Variants in CLIC4 observed in about 807,000 individuals in gnomAD.
CLIC4 encodes chloride intracellular channel protein 4.
A neutral mutation model predicts 24.6 loss-of-function variants in CLIC4; 13 were observed. That is an observed-to-expected ratio of 0.53 (90% CI 0.34 to 0.84). The LOEUF (loss-of-function observed/expected upper bound fraction) is 0.84, where lower values mean the gene tolerates loss of function less well. Ranked by LOEUF, CLIC4 falls within the 40% of genes least tolerant of loss-of-function variation. CLIC4 has a pLI of 0.01. For missense variants in CLIC4, 227 were observed against 301.7 expected (o/e 0.75, Z 1.83); for synonymous variants, 104 against 111.3 (o/e 0.93, Z 0.41).
intron 1 of CLIC4, among the ~76,000 whole-genome samples, chr1:24,762,830 T>C (rs1238350365): frequency 1.3e-5 from 2 of 152,142 alleles, no homozygotes; most frequent in East Asian, 1.9e-4. Flanking sequence ...AACTTGGCTA[T>C]GTAGAAGACA....
chr1:24,762,145 T>C (rs1638933851), intron 1 of CLIC4, among the ~76,000 whole-genome samples: 2 of 152,186 alleles, frequency 1.3e-5, no homozygotes, highest in African/African-American at 4.8e-5. Context: ...AGGCTGGATG[T>C]GGTAGCTCAC....
At chr1:24,747,504 A>G (rs1638715186) in intron 1 of CLIC4, among the ~76,000 whole-genome samples, 1 of 139,984 alleles carries the variant, frequency 7.1e-6, no homozygotes, top group Admixed American at 7.8e-5. Flanking sequence ...ACTGTACTCC[A>G]GCCTGGGCAA....
chr1:24,799,727 C>T (rs1207651811), intron 2 of CLIC4, among the ~76,000 whole-genome samples: 6 of 137,362 alleles, frequency 4.4e-5, no homozygotes, highest in African/African-American at 8.2e-5. Flanking sequence ...CCCGGCCAGC[C>T]GCCCCGTCCG....
At chr1:24,745,982 C>A (rs1265102037) in intron 1 of CLIC4, among the ~76,000 whole-genome samples, 5 of 150,568 alleles carry the variant, frequency 3.3e-5, no homozygotes, top group African/African-American at 7.3e-5. Flanking sequence ...CACCACCCCC[C>A]GCCCGGGCGC....
chr1:24,836,812 T>C (rs1639890329), intron 4 of CLIC4, among the ~76,000 whole-genome samples: 1 of 152,166 alleles, frequency 6.6e-6, no homozygotes, highest in African/African-American at 2.4e-5. Context: ...CACCCCAGCC[T>C]GGGTGATAGG....
intron 3 of CLIC4, among the ~76,000 whole-genome samples, chr1:24,820,267 CTTTTTTTTTTT>C (rs372726009): frequency 2.6e-4 from 13 of 49,776 alleles, no homozygotes; most frequent in African/African-American, 9.0e-4. Context: ...CCTTTTTGGT[CTTTTTTTTTTT>C]TTTTTTTTTT....
chr1:24,766,298 C>A (rs534544327), intron 1 of CLIC4, among the ~76,000 whole-genome samples: 1 of 149,716 alleles, frequency 6.7e-6, no homozygotes, highest in Non-Finnish European at 1.5e-5. Flanking sequence ...GCACCACGCC[C>A]GGCCTATATT....
At position 24,764,527 on chromosome 1, in the gene CLIC4, G is replaced by T. The variant is rs901207724; in HGVS notation, c.72+18902G>T. ...AAATTAGCTGTGTATTGAGGCACACGCCTATGGTCCCAGCTACTTGGGAGG... is the reference window on the plus strand; with the variant it reads ...AAATTAGCTGTGTATTGAGGCACACTCCTATGGTCCCAGCTACTTGGGAGG... On this transcript the variant is annotated intron_variant, in intron 1 of 5. Coordinates refer to ENST00000374379, the MANE Select transcript of CLIC4 (RefSeq NM_013943.3). Among the ~76,000 whole-genome samples the T allele has an allele frequency of 6.6e-5, 10 of 152,106 alleles. No homozygotes were observed. In the South Asian group the frequency reaches 8.3e-4, roughly 13 times the overall value.
At chr1:24,764,360 G>T (rs1023920193) in intron 1 of CLIC4, among the ~76,000 whole-genome samples, 1 of 151,444 alleles carries the variant, frequency 6.6e-6, no homozygotes, top group Non-Finnish European at 1.5e-5. Context: ...TTGGCCTCCC[G>T]AAGTGCTGGG....
intron 1 of CLIC4, among the ~76,000 whole-genome samples, chr1:24,762,995 T>C (rs1178872128): frequency 6.6e-6 from 1 of 152,188 alleles, no homozygotes; most frequent in Non-Finnish European, 1.5e-5. Flanking sequence ...ATCTCCCAAA[T>C]GGCCACCTAT....
rs754722148 is a variant in CLIC4, at chr1:24,814,094, G to A, written c.183G>A (p.Arg61=). The A allele has an allele frequency of 2.1e-5, 34 of 1,613,438 alleles. No homozygotes were observed. Among genetic ancestry groups the A allele is most frequent in the Non-Finnish European group, 2.8e-5 (33 of 1,180,006 alleles). ...VFSVTTVDLK[R]KPADLQNLAP... ...TTTTGACCAATATTTTGCCCAACAG[G>A]AAGCCAGCAGACCTGCAGAACTTGG... Residue 61 remains arginine, a splice_region_variant and synonymous_variant, in exon 3 of 6, where the codon AGG becomes AGA. Coordinates refer to ENST00000374379, the MANE Select transcript of CLIC4 (RefSeq NM_013943.3).
intron 4 of CLIC4, among the ~76,000 whole-genome samples, chr1:24,831,604 AT>A (rs1639841189): frequency 1.3e-5 from 2 of 152,016 alleles, no homozygotes; most frequent in African/African-American, 4.8e-5. Context: ...GTACTCTAAT[AT>A]GTTCTTGTTC....
intron 1 of CLIC4, among the ~76,000 whole-genome samples, chr1:24,782,577 G>A (rs1235910079): frequency 6.6e-6 from 1 of 152,072 alleles, no homozygotes; most frequent in African/African-American, 2.4e-5. Flanking sequence ...ATAAATGATG[G>A]ACAATAAAAG....
chr1:24,843,009 A>G lies in CLIC4; in HGVS notation c.*2072A>G, dbSNP rs969087355. Reference sequence around the variant, plus strand: ...GGTGGAGGGCTAACAAGAGGAAAGAACTACATTCTTCAGAATACAGTGATG... The same window carrying G: ...GGTGGAGGGCTAACAAGAGGAAAGAGCTACATTCTTCAGAATACAGTGATG... On this transcript the variant is annotated 3_prime_UTR_variant, in exon 6 of 6. Transcript: ENST00000374379. 2 of 152,198 alleles carry G rather than the reference A, an allele frequency of 1.3e-5. No individual in the cohort carries two copies. Among genetic ancestry groups the G allele is most frequent in the African/African-American group, 4.8e-5 (2 of 41,464 alleles). 9.4% of individuals were successfully genotyped at this position (152,198 alleles called of 1,614,324 possible). A position where few individuals can be genotyped will look rare whatever the true frequency, so the allele number is the denominator to read the frequency against.
chr1:24,780,500 G>A (rs930282936), intron 1 of CLIC4, among the ~76,000 whole-genome samples: 3 of 152,212 alleles, frequency 2.0e-5, no homozygotes, highest in Non-Finnish European at 4.4e-5. Flanking sequence ...TGGCAATCTT[G>A]TCACACTGGC....
chr1:24,780,760 G>T (rs978616353), intron 1 of CLIC4, among the ~76,000 whole-genome samples: 1 of 152,316 alleles, frequency 6.6e-6, no homozygotes, highest in African/African-American at 2.4e-5. Context: ...CTAATAAGTT[G>T]TGATGACATC....
intron 1 of CLIC4, among the ~76,000 whole-genome samples, chr1:24,781,600 G>A (rs1179706869): frequency 6.6e-6 from 1 of 151,916 alleles, no homozygotes; most frequent in African/African-American, 2.4e-5. Flanking sequence ...GAGCAGTGCT[G>A]TGGGTCCTCA....
chr1:24,753,145 A>C (rs1304658191), intron 1 of CLIC4, among the ~76,000 whole-genome samples: 1 of 152,212 alleles, frequency 6.6e-6, no homozygotes, highest in African/African-American at 2.4e-5. Flanking sequence ...AACCAAGGCT[A>C]AGAACCACTG....
At chr1:24,763,552 A>AG (rs1553189444) in intron 1 of CLIC4, among the ~76,000 whole-genome samples, 2 of 151,668 alleles carry the variant, frequency 1.3e-5, no homozygotes, top group Non-Finnish European at 2.9e-5. Context: ...AAAAAAAAAA[A>AG]AAGAATTAAG....
Sources: gnomAD v4.1 joint callset for allele counts (sites outside exome capture counted in the v4.1 genomes callset) on GRCh38, gnomAD v4.1.1 for gene constraint, MANE v1.5 for transcripts, NCBI Gene and HGNC (gene_info 2026-07-23, HGNC 2026-07-21) for gene names.